Variants in RASGRF2 observed in about 807,000 individuals in gnomAD.
The protein encoded by RASGRF2 is Ras protein specific guanine nucleotide releasing factor 2.
Under a neutral mutation model 151.0 loss-of-function variants are expected in RASGRF2, and 76 were observed. The ratio of observed to expected loss-of-function variants is 0.50; its 90% CI spans 0.42 to 0.61. The LOEUF is 0.61. Ranked by LOEUF, RASGRF2 falls within the 20% of genes least tolerant of loss-of-function variation. The pLI is 0.00. For synonymous variants in RASGRF2, 504 were observed against 566.5 expected (o/e 0.89, Z 1.57); for missense variants, 1,148 against 1,564.6 (o/e 0.73, Z 4.49).
intron 1 of RASGRF2, among the ~76,000 whole-genome samples, chr5:80,980,812 C>T (rs1315433403): frequency 6.6e-6 from 1 of 152,062 alleles, no homozygotes; most frequent in Non-Finnish European, 1.5e-5. Context: ...TCTTAGAAGG[C>T]AGGTTTGTAG....
intron 2 of RASGRF2, among the ~76,000 whole-genome samples, chr5:81,059,379 G>A (rs34901966): frequency 0.23 from 25,569 of 109,840 alleles, 2,480 homozygotes; most frequent in Admixed American, 0.34. Context: ...GCGAGACTCC[G>A]CCTCAAAAAA....
intron 1 of RASGRF2, among the ~76,000 whole-genome samples, chr5:81,021,779 A>G (rs544533489): frequency 6.6e-6 from 1 of 152,312 alleles, no homozygotes; most frequent in Non-Finnish European, 1.5e-5. Flanking sequence ...GCAGAGAAGG[A>G]GTTTAATAAT....
chr5:81,002,278 A>G (rs1184602284), intron 1 of RASGRF2, among the ~76,000 whole-genome samples: 1 of 152,144 alleles, frequency 6.6e-6, no homozygotes, highest in African/African-American at 2.4e-5. Context: ...AATACATCCA[A>G]TTATTTAGTT....
intron 1 of RASGRF2, among the ~76,000 whole-genome samples, chr5:80,966,587 A>G (rs1203942413): frequency 1.3e-5 from 2 of 152,298 alleles, no homozygotes; most frequent in East Asian, 1.9e-4. Context: ...GGTTCCGCCA[A>G]AGGGAATATG....
At chr5:80,978,873 C>T (rs1748212875) in intron 1 of RASGRF2, among the ~76,000 whole-genome samples, 1 of 152,176 alleles carries the variant, frequency 6.6e-6, no homozygotes. Flanking sequence ...CTGAATATTA[C>T]ATTGTGAACA....
At chr5:81,082,288 G>A (rs774701156) in intron 7 of RASGRF2, among the ~76,000 whole-genome samples, 26 of 152,170 alleles carry the variant, frequency 1.7e-4, no homozygotes, top group Non-Finnish European at 2.2e-4. Flanking sequence ...CAAATACAGC[G>A]AATGTAGGTC....
At chr5:81,175,730 G>A (rs953268465) in intron 17 of RASGRF2, among the ~76,000 whole-genome samples, 4 of 142,228 alleles carry the variant, frequency 2.8e-5, no homozygotes, top group African/African-American at 1.0e-4. Context: ...ACTCCAGCTT[G>A]GGCAACTAGA....
chr5:80,969,968 A>G (rs1275967673), intron 1 of RASGRF2, among the ~76,000 whole-genome samples: 2 of 151,698 alleles, frequency 1.3e-5, no homozygotes, highest in African/African-American at 2.4e-5. Flanking sequence ...CTGGGATTAC[A>G]GGCATGCACC....
intron 1 of RASGRF2, among the ~76,000 whole-genome samples, chr5:80,969,438 CTCTTTTT>C (rs967523891): frequency 1.0e-4 from 15 of 144,614 alleles, no homozygotes; most frequent in African/African-American, 1.5e-4. Context: ...CTGGCCAGCA[CTCTTTTT>C]TCTTTTTTCT....
Position 81,008,139 on chromosome 5 carries a change from CTTTTTTTTTTTTTTTT to C in RASGRF2, c.289-34724_289-34709del, listed in dbSNP as rs58105434. 3.6e-3 allele frequency among the ~76,000 whole-genome samples: 310 copies of C among 85,438 alleles called. 2 individuals carry two copies. Among genetic ancestry groups the C allele is most frequent in the African/African-American group, 0.012 (252 of 21,528 alleles). 56.1% of individuals were successfully genotyped at this position (85,438 alleles called of 152,430 possible). On this transcript the variant is annotated intron_variant, in intron 1 of 26. Transcript: ENST00000265080. ...AGTTTTCTTTTTCTTTCTTTCTTTC[CTTTTTTTTTTTTTTTT>C]TTTTTTTTTTTTTGAGACAGAGTCT...
At position 81,082,187 on chromosome 5, in the gene RASGRF2, G is replaced by A. The variant is rs1752106194; in HGVS notation, c.1161+1398G>A. Among the ~76,000 whole-genome samples the A allele has an allele frequency of 3.9e-5, 6 of 152,258 alleles. No homozygotes were observed. The South Asian group carries it at 1.2e-3, about 32-fold the overall frequency. ...GCTTCCTACCTGACAGCCCCCTGATGTCTTTCTTCGTGCTATTTAATTCCC... is the reference window on the plus strand; with the variant it reads ...GCTTCCTACCTGACAGCCCCCTGATATCTTTCTTCGTGCTATTTAATTCCC... On this transcript the variant is annotated intron_variant, in intron 7 of 26. Transcript: ENST00000265080.
chr5:81,002,436 AC>A (rs1296802734), intron 1 of RASGRF2, among the ~76,000 whole-genome samples: 1 of 152,196 alleles, frequency 6.6e-6, no homozygotes, highest in African/African-American at 2.4e-5. Flanking sequence ...TGAAAACAAA[AC>A]TATAACTGAG....
At position 81,057,920 on chromosome 5, in the gene RASGRF2, C is replaced by G. The variant is rs1751279806; in HGVS notation, c.396-10112C>G. ...CTGAGGCAGGAGGATGGCTTGATCC[C>G]AGGAGGTCGAGGCTGCAGTGATCTG... is the stretch of plus-strand genomic sequence containing the variant. On this transcript the variant is annotated intron_variant, in intron 2 of 26. Transcript: ENST00000265080. 2.6e-5 allele frequency among the ~76,000 whole-genome samples: 4 copies of G among 152,044 alleles called. No homozygotes were observed. In the South Asian group the frequency reaches 8.3e-4, roughly 32 times the overall value.
chr5:81,048,748 C>G (rs1213996349), intron 2 of RASGRF2, among the ~76,000 whole-genome samples: 8 of 152,202 alleles, frequency 5.3e-5, no homozygotes, highest in African/African-American at 1.9e-4. Flanking sequence ...TTTGAGCTCT[C>G]TCTCTGATTT....
intron 17 of RASGRF2, among the ~76,000 whole-genome samples, chr5:81,159,840 T>G (rs987691769): frequency 6.6e-6 from 1 of 152,208 alleles, no homozygotes; most frequent in Non-Finnish European, 1.5e-5. Flanking sequence ...CCTGTTTTAT[T>G]AGTGACTAGT....
chr5:81,031,602 G>A (rs1750250634), intron 1 of RASGRF2, among the ~76,000 whole-genome samples: 2 of 152,184 alleles, frequency 1.3e-5, no homozygotes, highest in South Asian at 4.1e-4. Context: ...TGAAACCAAT[G>A]AGAACAAAGA....
At chr5:81,038,364 T>C (rs1266297358) in intron 1 of RASGRF2, among the ~76,000 whole-genome samples, 2 of 152,152 alleles carry the variant, frequency 1.3e-5, no homozygotes, top group African/African-American at 2.4e-5. Context: ...GTCAACAGTA[T>C]TGTCAGGTGT....
At chr5:81,044,788 A>T (rs1750785528) in intron 2 of RASGRF2, among the ~76,000 whole-genome samples, 1 of 152,106 alleles carries the variant, frequency 6.6e-6, no homozygotes, top group South Asian at 2.1e-4. Flanking sequence ...GCTAATGTTC[A>T]ATATTGTACT....
chr5:81,107,654 A>G (rs984663270), intron 12 of RASGRF2, among the ~76,000 whole-genome samples: 8 of 152,068 alleles, frequency 5.3e-5, no homozygotes, highest in Admixed American at 2.6e-4. Context: ...TATCTAAATC[A>G]TCTCTGATTT....
Sources: allele counts gnomAD v4.1 joint callset (sites outside exome capture counted in the v4.1 genomes callset), GRCh38; gene constraint gnomAD v4.1.1; transcripts MANE v1.5; gene names NCBI Gene and HGNC (gene_info 2026-07-23, HGNC 2026-07-21).